Variants in ZNF226 observed in about 807,000 individuals in gnomAD.
ZNF226 encodes the protein Kruppel-associated box protein.
Under a neutral mutation model 11.4 loss-of-function variants are expected in ZNF226, and 6 were observed. The observed-to-expected ratio is 0.53, with a 90% CI of 0.29 to 1.04. The LOEUF (loss-of-function observed/expected upper bound fraction) is 1.04. Ranked by LOEUF, ZNF226 falls within the 50% of genes least tolerant of loss-of-function variation. The pLI is 0.08. For missense variants in ZNF226, 1,058 were observed against 956.5 expected (o/e 1.11, Z -1.40); for synonymous variants, 350 against 322.8 (o/e 1.08, Z -0.90).
chr19:44,186,887 T>A, the ZNF226 span, among the ~76,000 whole-genome samples: 13 of 149,220 alleles, frequency 8.7e-5, no homozygotes, highest in East Asian at 5.9e-4. Context: ...TTTTTTTTTT[T>A]AATCATGAAA....
the ZNF226 span, among the ~76,000 whole-genome samples, chr19:44,190,942 T>C: frequency 6.6e-6 from 1 of 152,232 alleles, no homozygotes; most frequent in Non-Finnish European, 1.5e-5. Context: ...TTGTAAACTA[T>C]AGATAGCTTA....
intron 5 of ZNF226, chr19:44,175,025 C>T: frequency 6.2e-7 from 1 of 1,611,482 alleles, no homozygotes; most frequent in South Asian, 1.1e-5. Context: ...TGACCTGGCT[C>T]AAACTTAAAC....
chr19:44,175,219 G>A, intron 5 of ZNF226: 1 of 1,401,390 alleles, frequency 7.1e-7, no homozygotes, highest in Non-Finnish European at 9.2e-7. Context: ...ATTATGGTAG[G>A]AAAGACATGG....
At chr19:44,187,887 G>T in the ZNF226 span, among the ~76,000 whole-genome samples, 2 of 151,994 alleles carry the variant, frequency 1.3e-5, no homozygotes, top group Admixed American at 6.5e-5. The surrounding 1 kb of genome is among the most constrained non-coding windows in gnomAD (Gnocchi z 4.0). Flanking sequence ...TTGGCCCATT[G>T]GTTGTTTAAG....
chr19:44,188,853 G>T, the ZNF226 span, among the ~76,000 whole-genome samples: 1 of 152,072 alleles, frequency 6.6e-6, no homozygotes, highest in Non-Finnish European at 1.5e-5. Context: ...AATACAGTGG[G>T]TATATTCAGG....
chr19:44,182,269 C>T (rs561381958), downstream of ZNF226, among the ~76,000 whole-genome samples: 1 of 152,320 alleles, frequency 6.6e-6, no homozygotes, highest in African/African-American at 2.4e-5. Context: ...TTAGGGGATG[C>T]TCTATGCATT....
chr19:44,179,951 G>T (rs952400175), downstream of ZNF226, among the ~76,000 whole-genome samples: 1 of 151,664 alleles, frequency 6.6e-6, no homozygotes, highest in African/African-American at 2.4e-5. Context: ...GTCGGGTGAG[G>T]TGATGGGCGC....
the ZNF226 span, among the ~76,000 whole-genome samples, chr19:44,187,769 A>C: frequency 2.6e-5 from 4 of 152,024 alleles, no homozygotes; most frequent in African/African-American, 9.7e-5. This position sits in a 1 kb window ranked among gnomAD's most constrained non-coding sequence, Gnocchi z 4.0. Flanking sequence ...TACCAATATA[A>C]ATGTCCCTAT....
At chr19:44,195,705 T>G in the ZNF226 span, among the ~76,000 whole-genome samples, 1 of 151,596 alleles carries the variant, frequency 6.6e-6, no homozygotes, top group Admixed American at 6.6e-5. Flanking sequence ...TGTGCAAGGT[T>G]GTTGTGATTT....
In ZNF226 at chr19:44,172,931, A is replaced by AAATTC; in HGVS notation, c.214_215insAATTC (p.Thr72LysfsTer9). On this transcript the variant is annotated frameshift_variant, in exon 5 of 6. Transcript: ENST00000337433. LOFTEE classifies it low-confidence loss of function (END_TRUNC). ...GCAGCTTTGGATAATGACGACAGCAACCCGAAGACAGGGAAATTTAGGTAA... is the reference window on the plus strand; with the variant it reads ...GCAGCTTTGGATAATGACGACAGCAAAATTCCCCGAAGACAGGGAAATTTAGGTAA... 6.2e-7 allele frequency: 1 copy of AAATTC among 1,602,738 alleles called. No homozygotes were observed. Among genetic ancestry groups the AAATTC allele is most frequent in the South Asian group, 1.1e-5 (1 of 88,454 alleles).
chr19:44,169,981 G>A (rs1037027306), intron 2 of ZNF226, 54 bp from the exon 3 acceptor site: 10 of 1,259,662 alleles, frequency 7.9e-6, no homozygotes, highest in South Asian at 4.6e-5. Flanking sequence ...GAGCAGCCAC[G>A]TGCATTAGCA....
intron 3 of ZNF226, 104 bp downstream of exon 3, chr19:44,170,199 C>A: frequency 8.6e-7 from 1 of 1,166,912 alleles, no homozygotes; most frequent in Non-Finnish European, 1.2e-6. Context: ...ATCTGATGAC[C>A]TGTTGAGTGT....
intron 4 of ZNF226, 147 bp downstream of exon 4, chr19:44,172,361 C>T (rs774815239): frequency 3.7e-6 from 4 of 1,092,568 alleles, no homozygotes; most frequent in Admixed American, 2.6e-5. Context: ...TCTTTCTGAA[C>T]AGAATATTTT....
chr19:44,177,923 G>A (rs925417912), downstream of ZNF226: 1 of 384,392 alleles, frequency 2.6e-6, no homozygotes, highest in South Asian at 4.2e-5. Flanking sequence ...AAAATTAAGT[G>A]TCCACTAGAA....
chr19:44,174,473 A>T (rs1970488437), intron 5 of ZNF226: 1 of 152,214 alleles, frequency 6.6e-6, no homozygotes, highest in Non-Finnish European at 1.5e-5. Flanking sequence ...GTTGCATCCC[A>T]TTTGCTTCTT....
At chr19:44,190,439 T>A in the ZNF226 span, among the ~76,000 whole-genome samples, 2 of 152,104 alleles carry the variant, frequency 1.3e-5, no homozygotes, top group Non-Finnish European at 2.9e-5. Context: ...GTTCCTGCCA[T>A]TCTCCTACCT....
chr19:44,182,147 T>C (rs1297509735), downstream of ZNF226, among the ~76,000 whole-genome samples: 1 of 152,154 alleles, frequency 6.6e-6, no homozygotes, highest in Admixed American at 6.5e-5. Context: ...GTATGAAACT[T>C]GGATGCAAAA....
At chr19:44,199,321 C>T in the ZNF226 span, among the ~76,000 whole-genome samples, 1 of 151,818 alleles carries the variant, frequency 6.6e-6, no homozygotes, top group Non-Finnish European at 1.5e-5. Flanking sequence ...ACTACAGGCA[C>T]GTGCCACCAC....
chr19:44,177,747 T>G (rs574039770), downstream of ZNF226: 1 of 1,457,466 alleles, frequency 6.9e-7, no homozygotes, highest in East Asian at 2.4e-5. Context: ...CAGCCGTAGC[T>G]CCTCATGTCC....
Sources: gnomAD v4.1 joint callset for allele counts (sites outside exome capture counted in the v4.1 genomes callset) on GRCh38, gnomAD v4.1.1 for gene constraint, Gnocchi (gnomAD v3.1) non-coding constraint, MANE v1.5 for transcripts, NCBI Gene and HGNC (gene_info 2026-07-23, HGNC 2026-07-21) for gene names.